The following KIAA1755 variants were observed in gnomAD, a reference collection of about 807,000 sequenced individuals.
KIAA1755 encodes the protein uncharacterized protein KIAA1755.
Under a neutral mutation model 91.7 loss-of-function variants are expected in KIAA1755, and 68 were observed. The observed-to-expected ratio is 0.74, with a 90% CI of 0.61 to 0.91. The LOEUF is 0.91. Ranked by LOEUF, KIAA1755 falls within the 40% of genes least tolerant of loss-of-function variation. The pLI, the probability that KIAA1755 is intolerant of heterozygous loss-of-function variation, is 0.00. For synonymous variants in KIAA1755, 610 were observed against 604.6 expected (o/e 1.01, Z -0.13); for missense variants, 1,535 against 1,494.4 (o/e 1.03, Z -0.45).
chr20:38,232,374 C>T (rs1405623011), intron 4 of KIAA1755, among the ~76,000 whole-genome samples: 1 of 152,112 alleles, frequency 6.6e-6, no homozygotes. Context: ...CGCCTGTAAT[C>T]CCAGCACTTT....
At chr20:38,230,630 T>G (rs907696363) in intron 5 of KIAA1755, among the ~76,000 whole-genome samples, 1 of 152,206 alleles carries the variant, frequency 6.6e-6, no homozygotes, top group Non-Finnish European at 1.5e-5. Context: ...GGCTCACGCC[T>G]GTAATCTCAG....
At position 38,212,316 on chromosome 20, in the gene KIAA1755, G is replaced by GT. The variant is rs1035678179; in HGVS notation, c.*725_*726insA. On this transcript the variant is annotated 3_prime_UTR_variant, in exon 14 of 14. Transcript: ENST00000279024. The stretch of plus-strand genomic sequence containing the variant: ...TGAGACCCTGTCTCTGGTGGGGTCG[G>GT]GGGGGGTGGGCGGAAAAGGCAATCC... 2.6e-5 allele frequency: 4 copies of GT among 152,010 alleles called. No individual in the cohort carries two copies. Among genetic ancestry groups the GT allele is most frequent in the East Asian group, 1.9e-4 (1 of 5,132 alleles). The allele number at this position is 152,010 out of a possible 1,614,324, so 9.4% of individuals were successfully genotyped here.
chr20:38,241,443 C>T lies in KIAA1755; in HGVS notation c.688G>A (p.Ala230Thr), dbSNP rs541109817. The T allele has an allele frequency of 6.8e-5, 109 of 1,614,222 alleles. No individual in the cohort carries two copies. In the South Asian group the frequency reaches 1.2e-3, roughly 17 times the overall value. Residue 230 changes from alanine to threonine, a missense_variant, in exon 3 of 14, where the codon GCC becomes ACC. Coordinates refer to ENST00000279024, the MANE Select transcript of KIAA1755 (RefSeq NM_001029864.2). ...ASSPDNQVLP[A>T]QSLAKGKGRT... ...CCCTTACCCTTGGCCAAACTCTGGG[C>T]AGGAAGCACCTGGTTGTCTGGGGAG...
chr20:38,217,207 G>C (rs752681603), intron 13 of KIAA1755, 46 bp downstream of exon 13: 10 of 1,500,194 alleles, frequency 6.7e-6, no homozygotes, highest in African/African-American at 1.4e-5. Flanking sequence ...CATAGCCCCA[G>C]CCAGGGGATC....
chr20:38,240,693 T>C lies in KIAA1755; in HGVS notation c.1438A>G (p.Arg480Gly), dbSNP rs1351561696. Residue 480 changes from arginine (R) to glycine (G), a missense_variant, in exon 3 of 14, where the codon AGG (arginine) becomes GGG (glycine). By Grantham distance (125) the Arg-to-Gly change is moderately radical. Transcript: ENST00000279024. ...GLKFSFLRGQ[R>G]QPSVTPEKAS... Reference sequence around the variant, plus strand: ...TTCTCCGGGGTCACAGAGGGTTGCCTCTGCCCTCTCAAGAATGAGAATTTG... The same window carrying C: ...TTCTCCGGGGTCACAGAGGGTTGCCCCTGCCCTCTCAAGAATGAGAATTTG... 2.6e-6 allele frequency: 4 copies of C among 1,562,670 alleles called. No homozygotes were observed. In the Admixed American group the frequency reaches 5.7e-5, roughly 22 times the overall value.
intron 3 of KIAA1755, 44 bp from the exon 4 acceptor site, chr20:38,239,769 T>C (rs1302899799): frequency 6.4e-7 from 1 of 1,551,986 alleles, no homozygotes; most frequent in South Asian, 1.1e-5. Flanking sequence ...AAGCAGAAGA[T>C]GGGCTTTCTA....
chr20:38,242,033 A>T (rs556882658), intron 2 of KIAA1755, 104 bp from the exon 3 acceptor site: 2 of 1,203,556 alleles, frequency 1.7e-6, no homozygotes, highest in East Asian at 2.4e-5. Context: ...CAGGTCAGGG[A>T]CTAGGATGAG....
chr20:38,223,774 G>A (rs2123107696), intron 8 of KIAA1755, 138 bp from the exon 9 acceptor site: 1 of 636,796 alleles, frequency 1.6e-6, no homozygotes, highest in East Asian at 3.2e-5. Context: ...CTGGAGAGCT[G>A]GTTAAAACAC....
rs375138370 is a variant in KIAA1755, at chr20:38,213,446, G to A, written c.3199C>T (p.Arg1067Cys). Reference protein sequence around the residue: ...CPEAPAAHSARPERRGVAAKG... With the variant: ...CPEAPAAHSACPERRGVAAKG... The stretch of plus-strand genomic sequence containing the variant: ...GCTGCCACCCCTCTTCGTTCTGGGC[G>A]CGCTGAGTGAGCAGCTGGAGCCTCT... The change falls in exon 14 of 14, where the codon CGC (arginine) becomes TGC (cysteine). Residue 1067 changes from arginine (R) to cysteine (C), a missense_variant. Arg to Cys is a radical substitution (Grantham distance 180). Coordinates refer to ENST00000279024, the MANE Select transcript of KIAA1755 (RefSeq NM_001029864.2). 1.6e-4 allele frequency: 256 copies of A among 1,602,532 alleles called. 1 individual carries two copies. The highest frequency in any genetic ancestry group is 4.8e-4 in the Admixed American group (28 of 58,212).
Position 38,213,398 on chromosome 20 carries a change from C to T in KIAA1755, c.3247G>A (p.Glu1083Lys). Residue 1083 changes from glutamate to lysine, a missense_variant, in exon 14 of 14, where the codon GAG becomes AAG. Glu to Lys is a moderately conservative substitution (Grantham distance 56). Transcript: ENST00000279024. Reference protein sequence around the residue: ...VAAKGQGVSVEVTSKGRWDQP... With the variant: ...VAAKGQGVSVKVTSKGRWDQP... ...TCCCACCTCCCCTTGGAAGTGACCTCTACACTCACACCCTGGCCCTTGGCT... is the reference window on the plus strand; with the variant it reads ...TCCCACCTCCCCTTGGAAGTGACCTTTACACTCACACCCTGGCCCTTGGCT... 6.2e-7 allele frequency: 1 copy of T among 1,601,166 alleles called. No individual in the cohort carries two copies. The highest frequency in any genetic ancestry group is 8.5e-7 in the Non-Finnish European group (1 of 1,173,430).
At chr20:38,226,145 T>G (rs912122989) in intron 7 of KIAA1755, among the ~76,000 whole-genome samples, 2 of 152,190 alleles carry the variant, frequency 1.3e-5, no homozygotes, top group African/African-American at 4.8e-5. Context: ...GTGATGAAAC[T>G]TCTTTGTAAT....
intron 8 of KIAA1755, among the ~76,000 whole-genome samples, chr20:38,224,364 G>A (rs1265871926): frequency 5.9e-5 from 9 of 152,172 alleles, no homozygotes; most frequent in Non-Finnish European, 1.3e-4. Flanking sequence ...GGACCCTGGG[G>A]GACAAGCGGA....
chr20:38,247,682 TTA>T (rs2076181492), intron 1 of KIAA1755, among the ~76,000 whole-genome samples: 1 of 152,210 alleles, frequency 6.6e-6, no homozygotes. Context: ...ACCAATGGAA[TTA>T]AGTTTGCTAA....
Position 38,212,831 on chromosome 20 carries a change from G to C in KIAA1755, c.*211C>G. ...TGCCCTGGTTCTGACGCCCACTCTTGCTATTCTGCATGGGTGAAGATCGGG... is the reference window on the plus strand; with the variant it reads ...TGCCCTGGTTCTGACGCCCACTCTTCCTATTCTGCATGGGTGAAGATCGGG... On this transcript the variant is annotated 3_prime_UTR_variant, in exon 14 of 14. Coordinates refer to ENST00000279024, the MANE Select transcript of KIAA1755 (RefSeq NM_001029864.2). 1 of 499,820 alleles carries C rather than the reference G, an allele frequency of 2.0e-6. No individual in the cohort carries two copies. Among genetic ancestry groups the C allele is most frequent in the South Asian group, 4.3e-5 (1 of 23,328 alleles). 31.0% of individuals were successfully genotyped at this position (499,820 alleles called of 1,614,324 possible). A position where few individuals can be genotyped will look rare whatever the true frequency, so the allele number is the denominator to read the frequency against.
At chr20:38,220,175 C>T (rs186367745) in intron 10 of KIAA1755, among the ~76,000 whole-genome samples, 288 of 152,312 alleles carry the variant, frequency 1.9e-3, no homozygotes, top group Non-Finnish European at 3.0e-3. Flanking sequence ...AATGATCTAA[C>T]GCCCTGGCCC....
rs199571448 is a variant in KIAA1755 at position 38,222,514 on chromosome 20, T to C, written c.2352A>G (p.Glu784=). Residue 784 remains glutamate, a synonymous_variant, in exon 10 of 14, where the codon GAA becomes GAG. Coordinates refer to ENST00000279024, the MANE Select transcript of KIAA1755 (RefSeq NM_001029864.2). ...GCAGCCTGGCCAGGGTGGCTCCACCTTCCCGCTGGAGGCCCAGTAGGCCGG... is the reference window on the plus strand; with the variant it reads ...GCAGCCTGGCCAGGGTGGCTCCACCCTCCCGCTGGAGGCCCAGTAGGCCGG... ...RDPGLLGLQR[E]GGATLARLQH... 6.2e-7 allele frequency: 1 copy of C among 1,613,796 alleles called. No homozygotes were observed. The highest frequency in any genetic ancestry group is 2.2e-5 in the East Asian group (1 of 44,880).
At position 38,241,704 on chromosome 20, in the gene KIAA1755, T is replaced by C. The variant is rs2076070594; in HGVS notation, c.427A>G (p.Ile143Val). 2 of 1,614,104 alleles carry C rather than the reference T, an allele frequency of 1.2e-6. No individual in the cohort carries two copies. The highest frequency in any genetic ancestry group is 1.1e-5 in the South Asian group (1 of 91,088). ...KKPVPEPAYP[I>V]LFTQEWLEAI... ...TCCAGCCATTCTTGGGTGAAAAGTA[T>C]AGGGTAGGCTGGCTCTGGAACAGGC... Residue 143 changes from isoleucine (I) to valine (V), a missense_variant, in exon 3 of 14, where the codon ATA becomes GTA. Transcript: ENST00000279024.
At chr20:38,249,477 A>G (rs1006442111) in intron 1 of KIAA1755, among the ~76,000 whole-genome samples, 10 of 152,246 alleles carry the variant, frequency 6.6e-5, no homozygotes, top group African/African-American at 2.4e-4. Flanking sequence ...TCTCAATGCC[A>G]GCAAGATTCC....
chr20:38,241,610 G>T lies in KIAA1755; in HGVS notation c.521C>A (p.Ala174Asp). The T allele has an allele frequency of 6.2e-7, 1 of 1,614,224 alleles. No homozygotes were observed. The highest frequency in any genetic ancestry group is 1.1e-5 in the South Asian group (1 of 91,082). ...GGTTATCTTGGTCCAAGGCACAGGGGCAATCCCATTTTCTGATGCTACCAA... is the reference window on the plus strand; with the variant it reads ...GGTTATCTTGGTCCAAGGCACAGGGTCAATCCCATTTTCTGATGCTACCAA... ...NCLVASENGI[A>D]PVPWTKITSP... is the part of the protein sequence containing the mutation. Residue 174 changes from alanine (A) to aspartate (D), a missense_variant, in exon 3 of 14, where the codon GCC (alanine) becomes GAC (aspartate). Physicochemically the swap from Ala to Asp is moderately radical, Grantham distance 126. Transcript: ENST00000279024.
Sources: gnomAD v4.1 joint callset for allele counts (sites outside exome capture counted in the v4.1 genomes callset) on GRCh38, gnomAD v4.1.1 for gene constraint, MANE v1.5 for transcripts, NCBI Gene and HGNC (gene_info 2026-07-23, HGNC 2026-07-21) for gene names.